HTR2A: variants seen among roughly 807,000 people sequenced by gnomAD.
The protein encoded by HTR2A is 5-hydroxytryptamine receptor 2A.
HTR2A carries 14 observed loss-of-function variants against 31.0 expected under a neutral mutation model. The observed-to-expected ratio is 0.45, with a 90% CI of 0.30 to 0.71. The LOEUF (loss-of-function observed/expected upper bound fraction) is 0.71, where lower values mean the gene tolerates loss of function less well. Ranked by LOEUF, HTR2A falls within the 30% of genes least tolerant of loss-of-function variation. The pLI is 0.09. For missense variants in HTR2A, 442 were observed against 573.3 expected (o/e 0.77, Z 2.34); for synonymous variants, 209 against 225.2 (o/e 0.93, Z 0.64).
At chr13:46,866,576 A>G (rs1390011751) in intron 3 of HTR2A, among the ~76,000 whole-genome samples, 1 of 152,240 alleles carries the variant, frequency 6.6e-6, no homozygotes, top group Non-Finnish European at 1.5e-5. Flanking sequence ...TACTTTTCTC[A>G]TTCCCATTCA....
rs184562825 is a variant in HTR2A at position 46,866,993 on chromosome 13, T to C, written c.613+25397A>G. Reference sequence around the variant, plus strand: ...GTGAGTCGAGATTGCGCCACTGCACTCCAGCCTGGGTGACAAGAGTGAAAC... The same window carrying C: ...GTGAGTCGAGATTGCGCCACTGCACCCCAGCCTGGGTGACAAGAGTGAAAC... On this transcript the variant is annotated intron_variant, in intron 3 of 3. Transcript: ENST00000542664. Among the ~76,000 whole-genome samples the C allele has an allele frequency of 5.3e-3, 802 of 152,252 alleles. 3 individuals are homozygous for C. Among genetic ancestry groups the C allele is most frequent in the Non-Finnish European group, 8.5e-3 (578 of 68,024 alleles).
In HTR2A at chr13:46,856,378, TAA is replaced by T. The variant is rs543914158; in HGVS notation, c.614-20741_614-20740del. ...AACAAAGCAAGTGGGGAGAAAAATG[TAA>T]AGTGTTTCTTCATACACTGCAAGTT... On this transcript the variant is annotated intron_variant, in intron 3 of 3. Coordinates refer to ENST00000542664, the MANE Select transcript of HTR2A (RefSeq NM_000621.5). 24 of 152,304 alleles carry T rather than the reference TAA, an allele frequency of 1.6e-4. No homozygotes were observed. The East Asian group carries it at 4.6e-3, about 29-fold the overall frequency. The allele number at this position is 152,304 out of a possible 1,614,324, so 9.4% of individuals were successfully genotyped here.
intron 3 of HTR2A, among the ~76,000 whole-genome samples, chr13:46,876,735 A>G (rs1278673069): frequency 1.3e-5 from 2 of 151,976 alleles, no homozygotes; most frequent in Non-Finnish European, 2.9e-5. Context: ...ATTTTTAACA[A>G]AAGTTCGTGA....
intron 3 of HTR2A, among the ~76,000 whole-genome samples, chr13:46,876,050 T>G (rs1025916873): frequency 1.3e-5 from 2 of 152,238 alleles, no homozygotes; most frequent in Non-Finnish European, 2.9e-5. Flanking sequence ...AAAATGGTGA[T>G]TCATCAATGT....
chr13:46,883,223 C>T (rs2760348), intron 3 of HTR2A, among the ~76,000 whole-genome samples: 142,069 of 152,258 alleles, frequency 0.93, 66,313 homozygotes, highest in African/African-American at 0.95. Flanking sequence ...TCTAGGAAGG[C>T]AGCTATTTGA....
At chr13:46,843,460 G>C (rs1000407629) in intron 3 of HTR2A, among the ~76,000 whole-genome samples, 4 of 152,136 alleles carry the variant, frequency 2.6e-5, no homozygotes, top group Non-Finnish European at 5.9e-5. Flanking sequence ...TAATACCCTG[G>C]AGGGTTGACT....
intron 3 of HTR2A, among the ~76,000 whole-genome samples, chr13:46,878,165 C>G (rs1459644326): frequency 1.3e-5 from 2 of 152,112 alleles, no homozygotes; most frequent in Non-Finnish European, 2.9e-5. Flanking sequence ...AGAGCAACAA[C>G]CCTGTGGACA....
chr13:46,847,963 G>A (rs1027112713), intron 3 of HTR2A, among the ~76,000 whole-genome samples: 1 of 152,058 alleles, frequency 6.6e-6, no homozygotes, highest in Non-Finnish European at 1.5e-5. Context: ...GTTTCCTAGA[G>A]CTTCTAGGAT....
intron 3 of HTR2A, among the ~76,000 whole-genome samples, chr13:46,853,436 A>C: frequency 6.6e-6 from 1 of 152,150 alleles, no homozygotes; most frequent in East Asian, 1.9e-4. Context: ...GTGTGCTCTC[A>C]GTGGTTGTTG....
chr13:46,876,551 A>C (rs915556080), intron 3 of HTR2A, among the ~76,000 whole-genome samples: 2 of 150,764 alleles, frequency 1.3e-5, no homozygotes, highest in African/African-American at 4.9e-5. Context: ...CTGGGACTAC[A>C]AGCGCCTGCC....
At chr13:46,838,854 C>T (rs1333277029) in intron 3 of HTR2A, among the ~76,000 whole-genome samples, 2 of 151,948 alleles carry the variant, frequency 1.3e-5, no homozygotes, top group African/African-American at 4.8e-5. Context: ...AGCCTTTTGC[C>T]CTATTTGCTT....
intron 3 of HTR2A, among the ~76,000 whole-genome samples, chr13:46,867,384 G>T (rs1384700884): frequency 6.6e-6 from 1 of 152,180 alleles, no homozygotes; most frequent in Non-Finnish European, 1.5e-5. Flanking sequence ...AACTTGACAA[G>T]TTAAAAGCAT....
At chr13:46,888,709 TG>T (rs1951028443) in intron 3 of HTR2A, among the ~76,000 whole-genome samples, 1 of 152,184 alleles carries the variant, frequency 6.6e-6, no homozygotes, top group Non-Finnish European at 1.5e-5. Flanking sequence ...TGATGTCTTA[TG>T]GGTTTAAAAA....
chr13:46,887,335 A>T (rs1951014533), intron 3 of HTR2A, among the ~76,000 whole-genome samples: 1 of 149,690 alleles, frequency 6.7e-6, no homozygotes, highest in South Asian at 2.1e-4. Flanking sequence ...AGGCAGGAGA[A>T]TGGCGTGAAC....
chr13:46,868,554 C>T (rs1278032792), intron 3 of HTR2A, among the ~76,000 whole-genome samples: 1 of 152,166 alleles, frequency 6.6e-6, no homozygotes, highest in Non-Finnish European at 1.5e-5. Context: ...AATTAGCACT[C>T]TTACAGATAT....
chr13:46,881,043 G>A (rs1484708173), intron 3 of HTR2A, among the ~76,000 whole-genome samples: 2 of 152,188 alleles, frequency 1.3e-5, no homozygotes, highest in African/African-American at 4.8e-5. Flanking sequence ...TCAGCTGCCT[G>A]GGTCATTAAA....
At chr13:46,883,607 T>C (rs921292453) in intron 3 of HTR2A, among the ~76,000 whole-genome samples, 2 of 152,160 alleles carry the variant, frequency 1.3e-5, no homozygotes, top group African/African-American at 4.8e-5. Flanking sequence ...TCTCTTCTCA[T>C]GGCATTGGCA....
rs1301131818 is a variant in HTR2A at position 46,832,602 on chromosome 13, C to T, written c.*2235G>A. On this transcript the variant is annotated 3_prime_UTR_variant, in exon 4 of 4. Transcript: ENST00000542664. The stretch of plus-strand genomic sequence containing the variant: ...AAGGCAAAATACATTAGAGTGGAGA[C>T]ATTTTAACATTTATATTTTCATCAG... 1 of 152,106 alleles carries T rather than the reference C, an allele frequency of 6.6e-6. No homozygotes were observed. Among genetic ancestry groups the T allele is most frequent in the Admixed American group, 6.5e-5 (1 of 15,282 alleles). 9.4% of individuals were successfully genotyped at this position (152,106 alleles called of 1,614,324 possible).
At position 46,831,809 on chromosome 13, in the gene HTR2A, A is replaced by T. The variant is rs1333253497; in HGVS notation, c.*3028T>A. Reference sequence around the variant, plus strand: ...ATGAGATGGCGCTGTGGCCAAGTAAATGCAGTATGCTTTAAACAGTTTTCC... The same window carrying T: ...ATGAGATGGCGCTGTGGCCAAGTAATTGCAGTATGCTTTAAACAGTTTTCC... On this transcript the variant is annotated 3_prime_UTR_variant, in exon 4 of 4. Transcript: ENST00000542664. The T allele has an allele frequency of 6.6e-6, 1 of 152,246 alleles. No homozygotes were observed. 9.4% of individuals were successfully genotyped at this position (152,246 alleles called of 1,614,324 possible). A position where few individuals can be genotyped will look rare whatever the true frequency, so the allele number is the denominator to read the frequency against.
Sources: gnomAD v4.1 joint callset for allele counts (sites outside exome capture counted in the v4.1 genomes callset) on GRCh38, gnomAD v4.1.1 for gene constraint, MANE v1.5 for transcripts, NCBI Gene and HGNC (gene_info 2026-07-23, HGNC 2026-07-21) for gene names.